The following HPCAL1 variants were observed in gnomAD, a reference collection of about 807,000 sequenced individuals.
The protein encoded by HPCAL1 is hippocalcin-like protein 1.
HPCAL1 carries 8 observed loss-of-function variants against 17.1 expected under a neutral mutation model. The observed-to-expected ratio is 0.47, with a 90% CI of 0.27 to 0.84. The LOEUF (loss-of-function observed/expected upper bound fraction) is 0.84. HPCAL1 is among the 40% of genes least tolerant of loss of function. The pLI, the probability that HPCAL1 is intolerant of heterozygous loss-of-function variation, is 0.13. For missense variants in HPCAL1, 165 were observed against 271.1 expected (o/e 0.61, Z 2.75); for synonymous variants, 112 against 111.4 (o/e 1.01, Z -0.03).
At chr2:10,414,377 G>T (rs1009240903) in intron 2 of HPCAL1, among the ~76,000 whole-genome samples, 5 of 139,450 alleles carry the variant, frequency 3.6e-5, no homozygotes, top group African/African-American at 1.3e-4. Flanking sequence ...GTGTTGGCAG[G>T]GTTGGGTGTT....
At chr2:10,311,900 C>T (rs545851131) in intron 1 of HPCAL1, among the ~76,000 whole-genome samples, 135 of 151,528 alleles carry the variant, frequency 8.9e-4, no homozygotes, top group Non-Finnish European at 1.7e-3. Flanking sequence ...TCATTGCTGT[C>T]GCTATCATCA....
intron 1 of HPCAL1, among the ~76,000 whole-genome samples, chr2:10,329,396 C>G (rs1424924453): frequency 6.6e-6 from 1 of 152,206 alleles, no homozygotes; most frequent in Admixed American, 6.5e-5. Flanking sequence ...AGGAACCTGT[C>G]CCAGCTGCAG....
At chr2:10,424,372 G>C in intron 4 of HPCAL1, 1 of 407,650 alleles carries the variant, frequency 2.5e-6, no homozygotes, top group Admixed American at 2.5e-5. Context: ...AGCCTAGCAG[G>C]GCACCTGCTG....
intron 1 of HPCAL1, among the ~76,000 whole-genome samples, chr2:10,315,355 G>A (rs955654581): frequency 2.6e-5 from 4 of 152,132 alleles, no homozygotes; most frequent in African/African-American, 9.6e-5. Flanking sequence ...GGGGAAGAAA[G>A]TCAGAAAATA....
At chr2:10,409,633 G>A (rs1670203965) in intron 2 of HPCAL1, among the ~76,000 whole-genome samples, 4 of 152,136 alleles carry the variant, frequency 2.6e-5, no homozygotes. Flanking sequence ...AAACCTGTTT[G>A]TCTTCCACCG....
intron 1 of HPCAL1, among the ~76,000 whole-genome samples, chr2:10,391,473 C>T (rs149278940): frequency 1.3e-5 from 2 of 152,220 alleles, no homozygotes; most frequent in African/African-American, 2.4e-5. Flanking sequence ...CTACCATTTA[C>T]CCATTTAAAG....
chr2:10,425,578 C>T (rs1572878714), intron 4 of HPCAL1: 1 of 152,386 alleles, frequency 6.6e-6, no homozygotes, highest in African/African-American at 2.4e-5. Context: ...TCAAATGCAT[C>T]CTCCCAGGTG....
At chr2:10,358,635 G>A (rs1666332579) in intron 1 of HPCAL1, among the ~76,000 whole-genome samples, 1 of 152,230 alleles carries the variant, frequency 6.6e-6, no homozygotes. Context: ...GGGGGAACAT[G>A]CCCTGGGGAA....
At position 10,411,603 on chromosome 2, in the gene HPCAL1, T is replaced by C. The variant is rs966994701; in HGVS notation, c.-24-8131T>C. 5.3e-5 allele frequency among the ~76,000 whole-genome samples: 8 copies of C among 152,326 alleles called. No individual in the cohort carries two copies. The East Asian group carries it at 1.4e-3, about 26-fold the overall frequency. Reference sequence around the variant, plus strand: ...TTTATTCACTTTTTATGCCCCTTCCTGGGCATGCCTACACCATAACTCAAG... The same window carrying C: ...TTTATTCACTTTTTATGCCCCTTCCCGGGCATGCCTACACCATAACTCAAG... On this transcript the variant is annotated intron_variant, in intron 2 of 4. Coordinates refer to ENST00000307845, the MANE Select transcript of HPCAL1 (RefSeq NM_002149.4).
At position 10,419,254 on chromosome 2, in the gene HPCAL1, G is replaced by A. The variant is rs1197623391; in HGVS notation, c.-24-480G>A. 6.6e-6 allele frequency among the ~76,000 whole-genome samples: 1 copy of A among 152,046 alleles called. No individual in the cohort carries two copies. The highest frequency in any genetic ancestry group is 2.4e-5 in the African/African-American group (1 of 41,408). On this transcript the variant is annotated intron_variant, in intron 2 of 4. Transcript: ENST00000307845. The surrounding 1 kb of genome is among the most constrained non-coding windows in gnomAD (Gnocchi z 5.0). Reference sequence around the variant, plus strand: ...AAACAAATAAAGAAGGTGGGTGGGGGTGACTCCCTGAAAGTTTCTAGACGC... The same window carrying A: ...AAACAAATAAAGAAGGTGGGTGGGGATGACTCCCTGAAAGTTTCTAGACGC...
chr2:10,329,620 G>T (rs1363977468), intron 1 of HPCAL1, among the ~76,000 whole-genome samples: 1 of 152,246 alleles, frequency 6.6e-6, no homozygotes, highest in Non-Finnish European at 1.5e-5. Flanking sequence ...ATGAAAACAC[G>T]ATTGTGGTGT....
chr2:10,417,095 G>C (rs1670719714), intron 2 of HPCAL1, among the ~76,000 whole-genome samples: 1 of 151,380 alleles, frequency 6.6e-6, no homozygotes, highest in Non-Finnish European at 1.5e-5. Flanking sequence ...GGGCACAGTG[G>C]CTCACACCTG....
intron 1 of HPCAL1, among the ~76,000 whole-genome samples, chr2:10,391,751 T>C (rs1245101744): frequency 2.0e-5 from 3 of 152,150 alleles, no homozygotes; most frequent in Non-Finnish European, 1.5e-5. Context: ...ATTTTTGGGG[T>C]CTTGTTGCTG....
chr2:10,325,459 G>A (rs141679193), intron 1 of HPCAL1, among the ~76,000 whole-genome samples: 104 of 152,332 alleles, frequency 6.8e-4, no homozygotes, highest in East Asian at 5.0e-3. Flanking sequence ...CAGTGCCAGC[G>A]TTGGTGGGGG....
chr2:10,396,569 C>T (rs1266314163), intron 1 of HPCAL1, among the ~76,000 whole-genome samples: 1 of 152,240 alleles, frequency 6.6e-6, no homozygotes, highest in African/African-American at 2.4e-5. Flanking sequence ...CCAGCAACCT[C>T]ACTCGAAGGG....
intron 3 of HPCAL1, among the ~76,000 whole-genome samples, chr2:10,422,321 G>A (rs1671115462): frequency 6.6e-6 from 1 of 152,174 alleles, no homozygotes; most frequent in African/African-American, 2.4e-5. Flanking sequence ...CCACAGCAGT[G>A]CCACCACTCC....
intron 2 of HPCAL1, among the ~76,000 whole-genome samples, chr2:10,399,424 T>TCAC (rs1558518268): frequency 6.9e-4 from 6 of 8,716 alleles, no homozygotes; most frequent in Non-Finnish European, 1.0e-3. Flanking sequence ...ACCACCACCA[T>TCAC]CACCACCACC....
At chr2:10,410,174 C>T (rs905535008) in intron 2 of HPCAL1, among the ~76,000 whole-genome samples, 2 of 152,134 alleles carry the variant, frequency 1.3e-5, no homozygotes, top group Non-Finnish European at 2.9e-5. Flanking sequence ...GTTGGCCTGG[C>T]AAGCTTCGGG....
chr2:10,420,511 T>C (rs762917867), intron 3 of HPCAL1, among the ~76,000 whole-genome samples: 73 of 151,520 alleles, frequency 4.8e-4, no homozygotes, highest in Non-Finnish European at 9.0e-4. Flanking sequence ...GTGTTCTTTA[T>C]GTTCACTCGA....
Sources: allele counts gnomAD v4.1 joint callset (sites outside exome capture counted in the v4.1 genomes callset), GRCh38; gene constraint gnomAD v4.1.1; non-coding constraint Gnocchi (gnomAD v3.1); transcripts MANE v1.5; gene names NCBI Gene and HGNC (gene_info 2026-07-23, HGNC 2026-07-21).